APP: variants seen among roughly 807,000 people sequenced by gnomAD.
APP encodes the protein amyloid beta precursor protein, also known as amyloid-beta precursor protein.
Under a neutral mutation model 101.4 loss-of-function variants are expected in APP, and 31 were observed. The observed-to-expected ratio is 0.31, with a 90% CI of 0.23 to 0.41. The LOEUF (loss-of-function observed/expected upper bound fraction) is 0.41. Among genes scored for constraint, APP ranks in the 10% least tolerant of loss-of-function variants. APP has a pLI of 1.00. For synonymous variants in APP, 366 were observed against 364.4 expected (o/e 1.00, Z -0.05); for missense variants, 839 against 1,003.7 (o/e 0.84, Z 2.22).
At chr21:26,002,408 C>T (rs1008047608) in intron 6 of APP, among the ~76,000 whole-genome samples, 14 of 742 alleles carry the variant, frequency 0.019, no homozygotes, top group Non-Finnish European at 0.038. Flanking sequence ...CTATAGCCAG[C>T]AGTGGTCTCT....
intron 13 of APP, among the ~76,000 whole-genome samples, chr21:25,925,046 C>G (rs2039825163): frequency 6.6e-6 from 1 of 152,198 alleles, no homozygotes; most frequent in Non-Finnish European, 1.5e-5. Flanking sequence ...CCTGAAAGGA[C>G]TGAAGATCAT....
chr21:25,897,627 C>T lies in APP; in HGVS notation c.2010G>A (p.Lys670=), dbSNP rs371425292. ...AGTCATGTCGGAATTCTGCATCCAT[C>T]TTCACTTCAGAGATCTCCTCCGTCT... ...NIKTEEISEV[K]MDAEFRHDSG... Residue 670 remains lysine, a synonymous_variant, in exon 16 of 18, where the codon AAG becomes AAA. Transcript: ENST00000346798. 1.5e-5 allele frequency: 24 copies of T among 1,614,044 alleles called. No homozygotes were observed. Among genetic ancestry groups the T allele is most frequent in the African/African-American group, 9.3e-5 (7 of 75,046 alleles).
chr21:26,044,688 C>T (rs1051968055), intron 5 of APP, among the ~76,000 whole-genome samples: 6 of 152,052 alleles, frequency 3.9e-5, no homozygotes, highest in Non-Finnish European at 5.9e-5. Context: ...TACAGGCATG[C>T]GCCACCACGC....
intron 14 of APP, among the ~76,000 whole-genome samples, chr21:25,911,082 A>C (rs1408948648): frequency 6.6e-6 from 1 of 152,226 alleles, no homozygotes; most frequent in Non-Finnish European, 1.5e-5. Flanking sequence ...CTCACAGTTA[A>C]AAAACATTTC....
In APP at chr21:25,956,741, G is replaced by A. The variant is rs149358320; in HGVS notation, c.1459-986C>T. The stretch of plus-strand genomic sequence containing the variant: ...GGTGTGTGTGGTGGTGGGGCGGGTG[G>A]TAATGGAGCTTTTGTTGTGTTATCC... On this transcript the variant is annotated intron_variant, in intron 11 of 17. Coordinates refer to ENST00000346798, the MANE Select transcript of APP (RefSeq NM_000484.4). 9.7e-3 allele frequency among the ~76,000 whole-genome samples: 1,484 copies of A among 152,258 alleles called. 27 individuals are homozygous for A. Among genetic ancestry groups the A allele is most frequent in the African/African-American group, 0.034 (1,397 of 41,544 alleles).
At chr21:26,009,825 G>A (rs904833379) in intron 6 of APP, 3 of 157,798 alleles carry the variant, frequency 1.9e-5, no homozygotes, top group East Asian at 1.9e-4. Flanking sequence ...CTGACCTCAG[G>A]TGATGCACCC....
chr21:26,050,457 AG>A lies in APP; in HGVS notation c.662+542del, dbSNP rs534690632. Among the ~76,000 whole-genome samples, 348 of 152,316 alleles carry A rather than the reference AG, an allele frequency of 2.3e-3. 2 individuals are homozygous for A. The highest frequency in any genetic ancestry group is 7.8e-3 in the African/African-American group (325 of 41,580). On this transcript the variant is annotated intron_variant, in intron 5 of 17. Transcript: ENST00000346798. ...CTCCCTAAGAAAAAGAGGCGAAAATAGGTTTCTTTACAATCAACAAATCAAA... is the reference window on the plus strand; with the variant it reads ...CTCCCTAAGAAAAAGAGGCGAAAATAGTTTCTTTACAATCAACAAATCAAA...
At chr21:25,988,702 CAAAAAAAAA>C (rs537417600) in intron 8 of APP, among the ~76,000 whole-genome samples, 1 of 62,372 alleles carries the variant, frequency 1.6e-5, no homozygotes, top group Non-Finnish European at 3.1e-5. Context: ...AACTCTGTCT[CAAAAAAAAA>C]AAAAAAAAAA....
chr21:26,070,575 T>G (rs968650487), intron 3 of APP, among the ~76,000 whole-genome samples: 2 of 152,198 alleles, frequency 1.3e-5, no homozygotes, highest in African/African-American at 4.8e-5. Flanking sequence ...TGTGAATCTC[T>G]GTGATAATGG....
At chr21:25,910,140 TTTTAAA>T (rs2038994492) in intron 14 of APP, among the ~76,000 whole-genome samples, 1 of 152,138 alleles carries the variant, frequency 6.6e-6, no homozygotes, top group African/African-American at 2.4e-5. Context: ...TATTTATTTT[TTTTAAA>T]TTTAAAGTCT....
At chr21:25,926,109 C>A (rs1037950242) in intron 13 of APP, among the ~76,000 whole-genome samples, 1 of 152,160 alleles carries the variant, frequency 6.6e-6, no homozygotes, top group East Asian at 1.9e-4. Flanking sequence ...CATTTCTGAA[C>A]CAGAAAGCCA....
chr21:26,106,200 C>G (rs1231025119), intron 2 of APP, among the ~76,000 whole-genome samples: 1 of 152,144 alleles, frequency 6.6e-6, no homozygotes, highest in African/African-American at 2.4e-5. Context: ...AAACACACAG[C>G]AGGAAGGTAA....
intron 2 of APP, among the ~76,000 whole-genome samples, chr21:26,091,765 T>A (rs2061831283): frequency 6.6e-6 from 1 of 151,656 alleles, no homozygotes; most frequent in South Asian, 2.1e-4. Flanking sequence ...GAAACAAAAA[T>A]GAAGAGGAAA....
At chr21:26,050,622 G>A (rs778911287) in intron 5 of APP, among the ~76,000 whole-genome samples, 2 of 150,546 alleles carry the variant, frequency 1.3e-5, no homozygotes, top group Non-Finnish European at 3.0e-5. Context: ...AACCTTTAAC[G>A]AAAATTCACC....
At chr21:26,061,382 TAA>T (rs899271945) in intron 3 of APP, among the ~76,000 whole-genome samples, 5 of 152,240 alleles carry the variant, frequency 3.3e-5, no homozygotes, top group African/African-American at 9.6e-5. Context: ...AATGTTTTCT[TAA>T]GTGATTTTTT....
At chr21:25,908,825 G>A (rs1029406956) in intron 14 of APP, among the ~76,000 whole-genome samples, 1 of 152,104 alleles carries the variant, frequency 6.6e-6, no homozygotes, top group Non-Finnish European at 1.5e-5. Flanking sequence ...TTTTACAGAC[G>A]AGGAAGCAGC....
chr21:25,935,092 C>T (rs1394576203), intron 13 of APP: 6 of 152,160 alleles, frequency 3.9e-5, no homozygotes, highest in Admixed American at 3.9e-4. Flanking sequence ...TGAGCTGTCC[C>T]TGGCAGCAAA....
At chr21:25,993,976 C>T (rs867829815) in intron 8 of APP, among the ~76,000 whole-genome samples, 4 of 152,126 alleles carry the variant, frequency 2.6e-5, no homozygotes, top group Non-Finnish European at 4.4e-5. Context: ...CACATGTCAG[C>T]GCAAATGAAG....
chr21:26,051,324 G>C, intron 4 of APP, 131 bp from the exon 5 acceptor site: 1 of 999,164 alleles, frequency 1.0e-6, no homozygotes, highest in East Asian at 2.6e-5. Context: ...AAGATTATTT[G>C]CTTTTTGAGT....
Sources: allele counts gnomAD v4.1 joint callset (sites outside exome capture counted in the v4.1 genomes callset), GRCh38; gene constraint gnomAD v4.1.1; transcripts MANE v1.5; gene names NCBI Gene and HGNC (gene_info 2026-07-23, HGNC 2026-07-21).